NFATC1: variants seen among roughly 807,000 people sequenced by gnomAD.
NFATC1 encodes nuclear factor of activated T cells 1.
NFATC1 carries 22 observed loss-of-function variants against 76.0 expected under a neutral mutation model. The ratio of observed to expected loss-of-function variants is 0.29; its 90% confidence interval spans 0.21 to 0.41. The LOEUF (loss-of-function observed/expected upper bound fraction) is 0.41. NFATC1 is among the 10% of genes least tolerant of loss of function. The pLI, the probability that NFATC1 is intolerant of heterozygous loss-of-function variation, is 1.00. For synonymous variants in NFATC1, 704 were observed against 613.1 expected, an observed-to-expected ratio of 1.15 and a Z score of -2.19; for missense variants, 1,357 against 1,337.7, an observed-to-expected ratio of 1.01 and a Z score of -0.23.
At chr18:79,477,947 A>AAACACCACTC (rs2089139409) in intron 8 of NFATC1, among the ~76,000 whole-genome samples, 1 of 152,122 alleles carries the variant, frequency 6.6e-6, no homozygotes, top group Non-Finnish European at 1.5e-5. Context: ...TACCTCCTGC[A>AAACACCACTC]AACACCACTC....
In NFATC1 at chr18:79,509,204, G is replaced by A. The variant is rs545940658; in HGVS notation, c.2783-18324G>A. Among the ~76,000 whole-genome samples the A allele has an allele frequency of 2.4e-3, 369 of 152,286 alleles. 2 individuals are homozygous for A. Among genetic ancestry groups the A allele is most frequent in the South Asian group, 3.9e-3 (19 of 4,828 alleles). On this transcript the variant is annotated intron_variant, in intron 9 of 9. Transcript: ENST00000427363. ...GCGTGGCCCGTGTCCTTTCCCCGCC[G>A]TCCACTTCCTGTTCCCCTTTTCTGC...
intron 3 of NFATC1, among the ~76,000 whole-genome samples, chr18:79,447,290 C>T (rs1197301315): frequency 6.6e-6 from 1 of 152,246 alleles, no homozygotes; most frequent in African/African-American, 2.4e-5. Flanking sequence ...CCGGGCTCCC[C>T]CGCCTTCTCC....
At chr18:79,525,564 C>T (rs2090739971) in intron 9 of NFATC1, among the ~76,000 whole-genome samples, 1 of 152,182 alleles carries the variant, frequency 6.6e-6, no homozygotes, top group Non-Finnish European at 1.5e-5. Flanking sequence ...AGGCCTCCCT[C>T]CTGTCCCTGT....
rs571341094 is a variant in NFATC1, at chr18:79,474,943, G to A, written c.2092+7361G>A. On this transcript the variant is annotated intron_variant, in intron 8 of 9. Coordinates refer to ENST00000427363, the MANE Select transcript of NFATC1 (RefSeq NM_001278669.2). ...CGCTCGCTGTCAACGTAAACCTGAG[G>A]GAAGCGTGTTCTCACGCTCACTGTC... 3.1e-5 allele frequency among the ~76,000 whole-genome samples: 4 copies of A among 130,412 alleles called. No individual in the cohort carries two copies. The East Asian group carries it at 7.5e-4, about 24-fold the overall frequency. 85.6% of individuals were successfully genotyped at this position (130,412 alleles called of 152,430 possible). A position where few individuals can be genotyped will look rare whatever the true frequency, so the allele number is the denominator to read the frequency against.
Position 79,524,957 on chromosome 18 carries a change from C to G in NFATC1, c.2783-2571C>G, listed in dbSNP as rs1327220554. Among the ~76,000 whole-genome samples the G allele has an allele frequency of 1.3e-5, 2 of 151,958 alleles. No individual in the cohort carries two copies. The highest frequency in any genetic ancestry group is 4.8e-5 in the African/African-American group (2 of 41,338). On this transcript the variant is annotated intron_variant, in intron 9 of 9. Transcript: ENST00000427363. The surrounding 1 kb of genome is among the most constrained non-coding windows in gnomAD (Gnocchi z 7.2). ...ATGGAGACCTCAGACGCCGTCCCCA[C>G]CCTGTCACTGTCACCATCACCCATC...
intron 2 of NFATC1, among the ~76,000 whole-genome samples, chr18:79,425,838 C>T (rs1384557639): frequency 6.6e-6 from 1 of 152,200 alleles, no homozygotes; most frequent in Non-Finnish European, 1.5e-5. Flanking sequence ...GAGAGCAGAG[C>T]AAAGTTTCTC....
At chr18:79,496,621 G>A (rs11664970) in intron 9 of NFATC1, 9,691 of 152,344 alleles carry the variant, frequency 0.064, 409 homozygotes, top group Admixed American at 0.097. Context: ...CACACATTCT[G>A]CCAAGCCCAG....
intron 8 of NFATC1, chr18:79,468,069 T>C: frequency 1.1e-6 from 1 of 869,592 alleles, no homozygotes; most frequent in Non-Finnish European, 1.4e-6. Context: ...GAGACACTTC[T>C]CCAGGGGTAA....
intron 1 of NFATC1, among the ~76,000 whole-genome samples, chr18:79,397,510 G>A (rs1001850276): frequency 1.3e-5 from 2 of 152,180 alleles, no homozygotes; most frequent in Non-Finnish European, 2.9e-5. Flanking sequence ...CCGTGTGGTC[G>A]GTGCCCTGAC....
Position 79,397,280 on chromosome 18 carries a change from T to A in NFATC1, c.127+929T>A, listed in dbSNP as rs546747232. The stretch of plus-strand genomic sequence containing the variant: ...ATTGGAAGACGCTTTTCCAAATTCC[T>A]TACCAGCTCTGAAATATTTTATATA... On this transcript the variant is annotated intron_variant, in intron 1 of 9. Coordinates refer to ENST00000427363, the MANE Select transcript of NFATC1 (RefSeq NM_001278669.2). Among the ~76,000 whole-genome samples the A allele has an allele frequency of 6.6e-5, 10 of 152,378 alleles. 1 individual carries two copies. In the South Asian group the frequency reaches 1.2e-3, roughly 19 times the overall value.
chr18:79,399,605 G>C (rs1000529577), intron 1 of NFATC1, among the ~76,000 whole-genome samples: 1 of 152,264 alleles, frequency 6.6e-6, no homozygotes, highest in Non-Finnish European at 1.5e-5. Context: ...GCCGCCTAGG[G>C]TGGGACCCGA....
At chr18:79,451,596 G>T in intron 5 of NFATC1, 80 bp from the exon 6 acceptor site, 1 of 1,403,522 alleles carries the variant, frequency 7.1e-7, no homozygotes, top group Non-Finnish European at 9.3e-7. Flanking sequence ...CGGCTCACGT[G>T]TGACCTGCTG....
chr18:79,453,922 C>T (rs1041047968), intron 6 of NFATC1, among the ~76,000 whole-genome samples: 10 of 152,246 alleles, frequency 6.6e-5, no homozygotes, highest in Admixed American at 4.6e-4. Context: ...GCTTACAACA[C>T]GTGCTGATGT....
chr18:79,412,014 G>A (rs1353675088), intron 2 of NFATC1, among the ~76,000 whole-genome samples: 1 of 152,248 alleles, frequency 6.6e-6, no homozygotes, highest in African/African-American at 2.4e-5. Context: ...TGGGACCGCA[G>A]CTCAACAGTG....
intron 9 of NFATC1, among the ~76,000 whole-genome samples, chr18:79,511,916 C>T (rs536038111): frequency 3.9e-5 from 6 of 152,262 alleles, no homozygotes; most frequent in South Asian, 2.1e-4. Context: ...GAGGGCGGCA[C>T]GGGCCTGGGG....
intron 2 of NFATC1, among the ~76,000 whole-genome samples, chr18:79,430,281 C>CT (rs2086545965): frequency 6.6e-6 from 1 of 152,050 alleles, no homozygotes; most frequent in South Asian, 2.1e-4. Flanking sequence ...GGCGGCTTTT[C>CT]TTTTCTTCTT....
chr18:79,518,670 C>T (rs1205609673), intron 9 of NFATC1, among the ~76,000 whole-genome samples: 1 of 152,248 alleles, frequency 6.6e-6, no homozygotes, highest in Non-Finnish European at 1.5e-5. Flanking sequence ...TGCTCCTGCC[C>T]CCGCTACTCA....
At chr18:79,408,598 T>G (rs2085521992) in intron 1 of NFATC1, among the ~76,000 whole-genome samples, 5 of 152,268 alleles carry the variant, frequency 3.3e-5, no homozygotes, top group Admixed American at 3.3e-4. Flanking sequence ...TTTCACAGTC[T>G]GTGTTTTCAT....
chr18:79,398,393 T>G (rs995900182), intron 1 of NFATC1, among the ~76,000 whole-genome samples: 1 of 152,232 alleles, frequency 6.6e-6, no homozygotes, highest in African/African-American at 2.4e-5. Context: ...GGGGCTTCTG[T>G]CTCCGCAGAC....
Sources: allele counts gnomAD v4.1 joint callset (sites outside exome capture counted in the v4.1 genomes callset), GRCh38; gene constraint gnomAD v4.1.1; non-coding constraint Gnocchi (gnomAD v3.1); transcripts MANE v1.5; gene names NCBI Gene and HGNC (gene_info 2026-07-23, HGNC 2026-07-21).